Variants in DHX30 observed in about 807,000 individuals in gnomAD.
The protein encoded by DHX30 is ATP-dependent RNA helicase DHX30.
Under a neutral mutation model 116.9 loss-of-function variants are expected in DHX30, and 4 were observed. The observed-to-expected ratio is 0.03, with a 90% confidence interval of 0.02 to 0.08. DHX30 has a LOEUF of 0.08. Ranked by LOEUF, DHX30 falls within the 10% of genes least tolerant of loss-of-function variation. The pLI is 1.00. For synonymous variants in DHX30, 697 were observed against 651.7 expected, an observed-to-expected ratio of 1.07 and a Z score of -1.06; for missense variants, 871 against 1,595.1, an observed-to-expected ratio of 0.55 and a Z score of 7.73.
rs189850107 is a variant in DHX30, at chr3:47,839,365, G to A, written c.367-1512G>A. ...GCTGGAGTGCAATGGTGCGATCTCA[G>A]CTCACCGCAACCTCTGCCTCCCAGG... On this transcript the variant is annotated intron_variant, in intron 6 of 21. Transcript: ENST00000445061. Among the ~76,000 whole-genome samples, 101 of 145,328 alleles carry A rather than the reference G, an allele frequency of 6.9e-4. 1 individual carries two copies. Among genetic ancestry groups the A allele is most frequent in the African/African-American group, 2.5e-3 (97 of 38,852 alleles).
Position 47,848,849 on chromosome 3 carries a change from C to G in DHX30, c.2769+32C>G. 12 of 1,601,542 alleles carry G rather than the reference C, an allele frequency of 7.5e-6. No homozygotes were observed. Among genetic ancestry groups the G allele is most frequent in the Non-Finnish European group, 1.0e-5 (12 of 1,169,962 alleles). ...CCTGGCTCCTTCCTGGAGCCGTCCACCCACTGCTGTTCTGAGGGGGCGTTG... is the reference window on the plus strand; with the variant it reads ...CCTGGCTCCTTCCTGGAGCCGTCCAGCCACTGCTGTTCTGAGGGGGCGTTG... On this transcript the variant is annotated intron_variant, in intron 17 of 21. Transcript: ENST00000445061. This position sits in a 1 kb window ranked among gnomAD's most constrained non-coding sequence, Gnocchi z 9.4.
chr3:47,848,558 GGGGCTGGGCT>G lies in DHX30; in HGVS notation c.2575+22_2575+31del, dbSNP rs751184330. On this transcript the variant is annotated intron_variant, in intron 16 of 21. Transcript: ENST00000445061. This position sits in a 1 kb window ranked among gnomAD's most constrained non-coding sequence, Gnocchi z 9.4. ...TCTTGCTCCAGGAGATCGGTATGTAGGGGCTGGGCTGGGCTGGGCTGGGGAGTGGCTCTCG... is the reference window on the plus strand; with the variant it reads ...TCTTGCTCCAGGAGATCGGTATGTAGGGGCTGGGCTGGGGAGTGGCTCTCG... 4.5e-5 allele frequency: 73 copies of G among 1,612,768 alleles called. No homozygotes were observed. The highest frequency in any genetic ancestry group is 3.3e-4 in the Admixed American group (20 of 59,990).
chr3:47,850,015 T>TC lies in DHX30; in HGVS notation c.3486dup (p.Ser1163GlnfsTer25). ...GCCTGCGCAGCGAGCTGGCTGCACTTCCCCCCAGCGTACAGGAGGAGCACG... is the reference window on the plus strand; with the variant it reads ...GCCTGCGCAGCGAGCTGGCTGCACTTCCCCCCCAGCGTACAGGAGGAGCACG... On this transcript the variant is annotated frameshift_variant, in exon 22 of 22. Coordinates refer to ENST00000445061, the MANE Select transcript of DHX30 (RefSeq NM_138615.3). LOFTEE classifies it high-confidence loss of function. 6.2e-7 allele frequency: 1 copy of TC among 1,610,696 alleles called. No individual in the cohort carries two copies.
chr3:47,840,920 C>T lies in DHX30; in HGVS notation c.410C>T (p.Ala137Val). 6.2e-7 allele frequency: 1 copy of T among 1,614,200 alleles called. No homozygotes were observed. Among genetic ancestry groups the T allele is most frequent in the South Asian group, 1.1e-5 (1 of 91,086 alleles). Reference sequence around the variant, plus strand: ...CCCCGGAATGAGTTGTTTGACGCAGCCAAATACCGAGTGCTAGCTGATCGC... The same window carrying T: ...CCCCGGAATGAGTTGTTTGACGCAGTCAAATACCGAGTGCTAGCTGATCGC... ...LGPRNELFDA[A>V]KYRVLADRFG... Residue 137 changes from alanine to valine, a missense_variant, in exon 7 of 22, where the codon GCC becomes GTC. Ala to Val is a moderately conservative substitution (Grantham distance 64). Transcript: ENST00000445061.
At chr3:47,836,763 T>C (rs1184252359) in intron 6 of DHX30, among the ~76,000 whole-genome samples, 2 of 151,804 alleles carry the variant, frequency 1.3e-5, no homozygotes, top group African/African-American at 4.8e-5. Context: ...GCGATCTGCC[T>C]GCCTCCCAAA....
intron 4 of DHX30, chr3:47,825,036 C>CA (rs1022597476): frequency 2.8e-4 from 185 of 651,472 alleles, no homozygotes; most frequent in Non-Finnish European, 4.6e-4. Flanking sequence ...TCGGCGGGAG[C>CA]ACGATGGCGG....
At chr3:47,829,302 ATATATATATATATTT>A (rs1449132476) in intron 6 of DHX30, among the ~76,000 whole-genome samples, 168 bp downstream of exon 6, 18 of 35,144 alleles carry the variant, frequency 5.1e-4, no homozygotes, top group Admixed American at 2.5e-3. Flanking sequence ...ATATATATAT[ATATATATATATATTT>A]TTTTTTTTTT....
chr3:47,805,296 A>G (rs2035467259), intron 1 of DHX30, 30 bp from the exon 2 acceptor site: 1 of 398,968 alleles, frequency 2.5e-6, no homozygotes. Flanking sequence ...TGGGGCCTCC[A>G]CTGTATTGAC....
At chr3:47,832,169 C>T (rs1352761983) in intron 6 of DHX30, among the ~76,000 whole-genome samples, 2 of 151,782 alleles carry the variant, frequency 1.3e-5, no homozygotes, top group Non-Finnish European at 2.9e-5. Flanking sequence ...CCTCGGCCTC[C>T]CAAAGTGCTG....
Position 47,847,667 on chromosome 3 carries a change from G to GT in DHX30, c.2111-111dup, listed in dbSNP as rs913340454. On this transcript the variant is annotated intron_variant, in intron 13 of 21. Transcript: ENST00000445061. The surrounding 1 kb of genome is among the most constrained non-coding windows in gnomAD (Gnocchi z 5.5). ...TGTGGCACTTTTCACTGGGCATAGT[G>GT]TTTATCTGCGCCTGTTTCATCAAAA... 1 of 1,477,294 alleles carries GT rather than the reference G, an allele frequency of 6.8e-7. No individual in the cohort carries two copies. The highest frequency in any genetic ancestry group is 9.1e-7 in the Non-Finnish European group (1 of 1,098,982). 91.5% of individuals were successfully genotyped at this position (1,477,294 alleles called of 1,614,324 possible).
At chr3:47,836,415 G>A (rs1407066985) in intron 6 of DHX30, among the ~76,000 whole-genome samples, 1 of 152,150 alleles carries the variant, frequency 6.6e-6, no homozygotes, top group African/African-American at 2.4e-5. Context: ...TGGGATTACA[G>A]ACATGAGCTA....
chr3:47,818,275 T>C (rs1376520362), intron 4 of DHX30, 158 bp downstream of exon 4: 2 of 619,290 alleles, frequency 3.2e-6, no homozygotes, highest in Admixed American at 2.9e-5. Flanking sequence ...GAGAAATTAC[T>C]TGGAAAAGTC....
chr3:47,828,444 C>T (rs1166895146), intron 5 of DHX30, among the ~76,000 whole-genome samples: 7 of 127,454 alleles, frequency 5.5e-5, no homozygotes, highest in South Asian at 5.0e-4. Flanking sequence ...TGGGCAACAG[C>T]GTGAGATCCT....
rs777363746 is a variant in DHX30 at position 47,810,652 on chromosome 3, C to T, written c.-27-5C>T. On this transcript the variant is annotated splice_region_variant and splice_polypyrimidine_tract_variant and intron_variant, in intron 2 of 21. Transcript: ENST00000445061. ...CCATTGCCTCTTGGCCCTCCTTGTT[C>T]TCAGGATTCCAGCTTTCCCTCCTGG... The T allele has an allele frequency of 1.2e-5, 20 of 1,613,346 alleles. No homozygotes were observed. In the Admixed American group the frequency reaches 2.0e-4, roughly 16 times the overall value.
intron 6 of DHX30, among the ~76,000 whole-genome samples, chr3:47,830,177 C>T (rs1411681498): frequency 1.8e-4 from 26 of 146,400 alleles, no homozygotes; most frequent in Non-Finnish European, 2.7e-4. Flanking sequence ...AGGCCAGGCA[C>T]GGTGGCTCAC....
chr3:47,829,862 G>T, intron 6 of DHX30, among the ~76,000 whole-genome samples: 1 of 151,186 alleles, frequency 6.6e-6, no homozygotes, highest in East Asian at 2.0e-4. Flanking sequence ...TTTTGTTTGA[G>T]ACGGAGTCTC....
Position 47,841,182 on chromosome 3 carries a change from C to T in DHX30, c.668+4C>T, listed in dbSNP as rs1014348276. 4.3e-6 allele frequency: 7 copies of T among 1,612,944 alleles called. No homozygotes were observed. Among genetic ancestry groups the T allele is most frequent in the Non-Finnish European group, 5.9e-6 (7 of 1,179,894 alleles). Reference sequence around the variant, plus strand: ...ACGCTCCACTCAGGGACTCAAGGTACAGATGGAGGATGGGGATGCAGCAGA... The same window carrying T: ...ACGCTCCACTCAGGGACTCAAGGTATAGATGGAGGATGGGGATGCAGCAGA... On this transcript the variant is annotated splice_donor_region_variant and intron_variant, in intron 7 of 21. Transcript: ENST00000445061.
At chr3:47,817,827 C>T (rs1050379586) in intron 3 of DHX30, among the ~76,000 whole-genome samples, 195 bp from the exon 4 acceptor site, 1 of 152,178 alleles carries the variant, frequency 6.6e-6, no homozygotes, top group African/African-American at 2.4e-5. Context: ...TCACATATCA[C>T]ATCATATGAG....
rs543030164 is a variant in DHX30, at chr3:47,818,585, G to A, written c.124+468G>A. ...CCTGTCTCCCATGTGGCACCTCAAA[G>A]CACTTTACTGACATTAAAATGTGCC... On this transcript the variant is annotated intron_variant, in intron 4 of 21. Transcript: ENST00000445061. 2.0e-5 allele frequency among the ~76,000 whole-genome samples: 3 copies of A among 152,260 alleles called. No individual in the cohort carries two copies. In the East Asian group the frequency reaches 5.8e-4, roughly 29 times the overall value.
Sources: gnomAD v4.1 joint callset for allele counts (sites outside exome capture counted in the v4.1 genomes callset) on GRCh38, gnomAD v4.1.1 for gene constraint, Gnocchi (gnomAD v3.1) non-coding constraint, MANE v1.5 for transcripts, NCBI Gene and HGNC (gene_info 2026-07-23, HGNC 2026-07-21) for gene names.